Variants in CALN1 observed in about 807,000 individuals in gnomAD.
CALN1 encodes the protein calneuron 1.
CALN1 carries 17 observed loss-of-function variants against 30.6 expected under a neutral mutation model. The observed-to-expected ratio is 0.56, with a 90% CI of 0.38 to 0.83. The LOEUF is 0.83. Ranked by LOEUF, CALN1 falls within the 40% of genes least tolerant of loss-of-function variation. The pLI is 0.00. For missense variants in CALN1, 291 were observed against 354.9 expected, an observed-to-expected ratio of 0.82 and a Z score of 1.45; for synonymous variants, 156 against 131.4, an observed-to-expected ratio of 1.19 and a Z score of -1.28.
chr7:72,346,958 T>A (rs1182862768), intron 2 of CALN1, among the ~76,000 whole-genome samples: 1 of 152,070 alleles, frequency 6.6e-6, no homozygotes, highest in East Asian at 1.9e-4. Flanking sequence ...CAGTAAAAAA[T>A]ATCCTGCTAA....
intron 2 of CALN1, among the ~76,000 whole-genome samples, chr7:72,310,255 A>G (rs1176106311): frequency 6.6e-6 from 1 of 151,626 alleles, no homozygotes; most frequent in African/African-American, 2.4e-5. Flanking sequence ...TAGTTTTGCC[A>G]TGGATCAAAT....
intron 5 of CALN1, among the ~76,000 whole-genome samples, chr7:71,893,351 G>T (rs765153438): frequency 6.6e-6 from 1 of 152,112 alleles, no homozygotes; most frequent in Non-Finnish European, 1.5e-5. Context: ...TGCTGAGGTG[G>T]AGAAACCCTA....
chr7:72,007,045 G>C (rs1237199907), intron 5 of CALN1, among the ~76,000 whole-genome samples: 1 of 152,188 alleles, frequency 6.6e-6, no homozygotes, highest in Non-Finnish European at 1.5e-5. Flanking sequence ...TGAGATGAGA[G>C]ACAGTTCTTC....
chr7:71,964,790 A>C (rs1185295279), intron 5 of CALN1, among the ~76,000 whole-genome samples: 1 of 152,186 alleles, frequency 6.6e-6, no homozygotes, highest in East Asian at 1.9e-4. Flanking sequence ...ATAAATGATA[A>C]GTCTGGGCTT....
chr7:72,311,303 A>G (rs1800028848), intron 2 of CALN1, among the ~76,000 whole-genome samples: 1 of 152,176 alleles, frequency 6.6e-6, no homozygotes, highest in African/African-American at 2.4e-5. Context: ...AATATATCAA[A>G]TACACAAAAT....
At chr7:72,268,793 C>CCACACA (rs3032247) in intron 3 of CALN1, among the ~76,000 whole-genome samples, 11,416 of 145,788 alleles carry the variant, frequency 0.078, 499 homozygotes, top group East Asian at 0.21. Context: ...CAAGACCCTG[C>CCACACA]CACACACACA....
intron 5 of CALN1, among the ~76,000 whole-genome samples, chr7:71,915,490 T>A (rs761357050): frequency 5.3e-5 from 8 of 152,042 alleles, no homozygotes; most frequent in Admixed American, 4.6e-4. Context: ...TCCCAGCACT[T>A]TGGGAGGCTG....
At chr7:71,912,021 T>C (rs1794449834) in intron 5 of CALN1, among the ~76,000 whole-genome samples, 2 of 151,858 alleles carry the variant, frequency 1.3e-5, no homozygotes, top group Admixed American at 6.6e-5. Context: ...TCTCTGCTTG[T>C]GGATAATTTT....
chr7:71,825,942 A>C (rs1183687248), intron 5 of CALN1, among the ~76,000 whole-genome samples: 2 of 142,234 alleles, frequency 1.4e-5, no homozygotes. Flanking sequence ...CTGAGGCAGG[A>C]GAATTGCTTG....
chr7:72,132,351 G>A (rs536015814), intron 3 of CALN1, among the ~76,000 whole-genome samples: 19 of 152,176 alleles, frequency 1.2e-4, no homozygotes, highest in African/African-American at 2.6e-4. Flanking sequence ...CTGCAATACC[G>A]TACTGAAAGT....
the CALN1 span, among the ~76,000 whole-genome samples, chr7:72,487,787 AAAG>A: frequency 1.5e-5 from 2 of 132,196 alleles, no homozygotes; most frequent in African/African-American, 6.0e-5. Flanking sequence ...AAAGAGAAAG[AAAG>A]AAGAAAGAAA....
intron 3 of CALN1, among the ~76,000 whole-genome samples, chr7:72,254,658 G>C (rs549537383): frequency 2.6e-5 from 4 of 151,786 alleles, no homozygotes; most frequent in Non-Finnish European, 5.9e-5. Context: ...TTTTTGCTGA[G>C]GGGACAGAAT....
At chr7:71,921,152 A>C (rs1794924747) in intron 5 of CALN1, among the ~76,000 whole-genome samples, 1 of 152,220 alleles carries the variant, frequency 6.6e-6, no homozygotes, top group African/African-American at 2.4e-5. Context: ...GGAGTTGAAC[A>C]ATGAGAACAT....
intron 5 of CALN1, among the ~76,000 whole-genome samples, chr7:71,816,599 A>C (rs749904821): frequency 2.0e-5 from 3 of 152,186 alleles, no homozygotes; most frequent in Non-Finnish European, 4.4e-5. Context: ...TTCAGAAATC[A>C]GGCCAAAAGA....
intron 4 of CALN1, among the ~76,000 whole-genome samples, chr7:72,039,558 G>C (rs1802000924): frequency 1.3e-5 from 2 of 152,132 alleles, no homozygotes; most frequent in South Asian, 4.1e-4. Context: ...TCCTTCTTTT[G>C]ACTTGGGTTT....
intron 3 of CALN1, among the ~76,000 whole-genome samples, chr7:72,273,923 A>C (rs981711543): frequency 6.6e-6 from 1 of 152,064 alleles, no homozygotes; most frequent in South Asian, 2.1e-4. Flanking sequence ...AAATTATACA[A>C]AAAAAAAGTT....
At chr7:71,978,103 T>TC (rs1208824435) in intron 5 of CALN1, among the ~76,000 whole-genome samples, 1 of 150,718 alleles carries the variant, frequency 6.6e-6, no homozygotes, top group Non-Finnish European at 1.5e-5. Context: ...TCTGGGAGCT[T>TC]CCCCACCATA....
At chr7:72,494,245 CGTGCATTCGGGGATGCACAACACT>C in the CALN1 span, among the ~76,000 whole-genome samples, 1 of 152,138 alleles carries the variant, frequency 6.6e-6, no homozygotes. Flanking sequence ...GATGGATGTT[CGTGCATTCGGGGATGCACAACACT>C]GCCCTCTGCT....
chr7:72,389,939 AG>A (rs200735906), intron 2 of CALN1, among the ~76,000 whole-genome samples: 1 of 147,268 alleles, frequency 6.8e-6, no homozygotes, highest in Non-Finnish European at 1.5e-5. Flanking sequence ...AAAAAAAAAA[AG>A]AAGAAAGAAA....
Sources: gnomAD v4.1 joint callset for allele counts (sites outside exome capture counted in the v4.1 genomes callset) on GRCh38, gnomAD v4.1.1 for gene constraint, MANE v1.5 for transcripts, NCBI Gene and HGNC (gene_info 2026-07-23, HGNC 2026-07-21) for gene names.